ACSS3: variants seen among roughly 807,000 people sequenced by gnomAD.
ACSS3 encodes the protein acyl-CoA synthetase short chain family member 3.
In ACSS3, 64 loss-of-function variants were observed where a neutral mutation model predicts 84.2. That is an observed-to-expected ratio of 0.76 (90% CI 0.62 to 0.94). The LOEUF (loss-of-function observed/expected upper bound fraction) is 0.94. Ranked by LOEUF, ACSS3 falls within the 40% of genes least tolerant of loss-of-function variation. The probability of loss-of-function intolerance (pLI) is 0.00; values close to 1 mark genes in which losing one functional copy is unlikely to be tolerated. For synonymous variants in ACSS3, 317 were observed against 310.1 expected, an observed-to-expected ratio of 1.02 and a Z score of -0.23; for missense variants, 815 against 867.6, an observed-to-expected ratio of 0.94 and a Z score of 0.76.
Position 81,253,945 on chromosome 12 carries a change from G to A in ACSS3, c.1995+275G>A, listed in dbSNP as rs138527992. 3.1e-3 allele frequency among the ~76,000 whole-genome samples: 467 copies of A among 152,186 alleles called. 9 individuals carry two copies. Among genetic ancestry groups the A allele is most frequent in the African/African-American group, 0.011 (446 of 41,538 alleles). On this transcript the variant is annotated intron_variant, in intron 15 of 15. Transcript: ENST00000548058. The stretch of plus-strand genomic sequence containing the variant: ...TTTTATTTATTTATTTTAATTTAGA[G>A]ATAGAGTCTTGCTTTATTACCCAGG...
chr12:81,098,179 TGA>T (rs1491509285), intron 1 of ACSS3, among the ~76,000 whole-genome samples: 17,111 of 143,522 alleles, frequency 0.12, 1,049 homozygotes, highest in South Asian at 0.14. Flanking sequence ...TGTGTGTGTG[TGA>T]GACTGTGCCC....
At chr12:81,197,824 T>G (rs2031907908) in intron 8 of ACSS3, among the ~76,000 whole-genome samples, 1 of 152,152 alleles carries the variant, frequency 6.6e-6, no homozygotes, top group Non-Finnish European at 1.5e-5. Flanking sequence ...CCTTGTATTT[T>G]TCTTTTATTC....
chr12:81,124,080 G>A lies in ACSS3; in HGVS notation c.457-10736G>A, dbSNP rs370020580. The stretch of plus-strand genomic sequence containing the variant: ...AAATCTCCAAAGTGCTTTCCACAGT[G>A]GCTGAACTAATTCACATTCCCACAA... On this transcript the variant is annotated intron_variant, in intron 2 of 15. Transcript: ENST00000548058. Among the ~76,000 whole-genome samples the A allele has an allele frequency of 1.2e-3, 185 of 152,280 alleles. 1 individual carries two copies. Among genetic ancestry groups the A allele is most frequent in the African/African-American group, 4.4e-3 (183 of 41,562 alleles).
At chr12:81,146,879 T>C in intron 5 of ACSS3, among the ~76,000 whole-genome samples, 1 of 151,860 alleles carries the variant, frequency 6.6e-6, no homozygotes, top group African/African-American at 2.4e-5. Flanking sequence ...AAAGGAAAAA[T>C]GTTCAGTGTC....
chr12:81,187,924 A>G (rs1206241779), intron 8 of ACSS3, among the ~76,000 whole-genome samples: 1 of 151,924 alleles, frequency 6.6e-6, no homozygotes, highest in Non-Finnish European at 1.5e-5. Flanking sequence ...GAATGTGCCC[A>G]AATCTGGAAT....
intron 2 of ACSS3, among the ~76,000 whole-genome samples, chr12:81,132,090 T>C (rs1451207285): frequency 6.6e-6 from 1 of 152,210 alleles, no homozygotes; most frequent in African/African-American, 2.4e-5. Context: ...AAAATTCTCT[T>C]TTTTTGTTGT....
At chr12:81,224,899 C>T (rs2033223264) in intron 11 of ACSS3, among the ~76,000 whole-genome samples, 1 of 151,826 alleles carries the variant, frequency 6.6e-6, no homozygotes, top group African/African-American at 2.4e-5. Flanking sequence ...TGCTTGTGTG[C>T]AACCAACCTT....
chr12:81,231,878 C>T (rs181639404), intron 12 of ACSS3, among the ~76,000 whole-genome samples: 4 of 151,526 alleles, frequency 2.6e-5, no homozygotes, highest in African/African-American at 7.3e-5. Flanking sequence ...CCACCCCCAC[C>T]GCCTAACCCC....
intron 1 of ACSS3, among the ~76,000 whole-genome samples, chr12:81,091,368 A>G (rs1475346891): frequency 6.6e-6 from 1 of 151,996 alleles, no homozygotes; most frequent in Non-Finnish European, 1.5e-5. Context: ...AAATTTTAAT[A>G]TATTAGAGTA....
intron 1 of ACSS3, among the ~76,000 whole-genome samples, chr12:81,101,460 C>T (rs1194987660): frequency 1.3e-5 from 2 of 152,068 alleles, no homozygotes; most frequent in African/African-American, 2.4e-5. Context: ...GAGTTTACCA[C>T]TATTATTTTC....
chr12:81,155,127 C>A (rs1468263598), intron 7 of ACSS3, among the ~76,000 whole-genome samples: 2 of 152,156 alleles, frequency 1.3e-5, no homozygotes, highest in Non-Finnish European at 2.9e-5. Context: ...CAGCACAGTG[C>A]ATAGCACACA....
At chr12:81,221,077 A>G (rs1307995346) in intron 11 of ACSS3, among the ~76,000 whole-genome samples, 1 of 152,092 alleles carries the variant, frequency 6.6e-6, no homozygotes. Flanking sequence ...CAAAACTGCT[A>G]TCATTTAAAG....
In ACSS3 at chr12:81,258,317, C is replaced by T. The variant is rs559752202; in HGVS notation, c.*3395C>T. On this transcript the variant is annotated 3_prime_UTR_variant, in exon 16 of 16. Transcript: ENST00000548058. The stretch of plus-strand genomic sequence containing the variant: ...ATGGAAAGGGTTTCTGTTATCATTA[C>T]CTTTTGACTGAATCTGTTAAATAAA... 6.6e-6 allele frequency: 1 copy of T among 152,170 alleles called. No individual in the cohort carries two copies. Among genetic ancestry groups the T allele is most frequent in the Admixed American group, 6.6e-5 (1 of 15,258 alleles). 9.4% of individuals were successfully genotyped at this position (152,170 alleles called of 1,614,324 possible). A position where few individuals can be genotyped will look rare whatever the true frequency, so the allele number is the denominator to read the frequency against.
chr12:81,170,667 G>C (rs997548890), intron 7 of ACSS3, among the ~76,000 whole-genome samples: 2 of 152,030 alleles, frequency 1.3e-5, no homozygotes, highest in African/African-American at 2.4e-5. Context: ...TGTGTATGTT[G>C]TTTGTTTAAA....
At chr12:81,224,539 T>TATAC (rs536307054) in intron 11 of ACSS3, among the ~76,000 whole-genome samples, 2 of 145,656 alleles carry the variant, frequency 1.4e-5, no homozygotes, top group African/African-American at 5.1e-5. Flanking sequence ...TATATATGCA[T>TATAC]ATACATACAT....
intron 1 of ACSS3, among the ~76,000 whole-genome samples, chr12:81,080,770 C>A (rs2121256140): frequency 6.6e-6 from 1 of 152,336 alleles, no homozygotes; most frequent in Non-Finnish European, 1.5e-5. Context: ...TCCGCAAGAT[C>A]TAAGGCAGAG....
At chr12:81,243,951 A>G (rs2033897986) in intron 13 of ACSS3, among the ~76,000 whole-genome samples, 1 of 152,142 alleles carries the variant, frequency 6.6e-6, no homozygotes, top group Non-Finnish European at 1.5e-5. Flanking sequence ...ATTTTTATTT[A>G]TACAAATTTC....
At chr12:81,098,368 T>A (rs1041045511) in intron 1 of ACSS3, among the ~76,000 whole-genome samples, 2 of 152,202 alleles carry the variant, frequency 1.3e-5, no homozygotes, top group Non-Finnish European at 2.9e-5. Context: ...GTGTTTACTA[T>A]TAGAAGTGTT....
At chr12:81,161,603 AC>A (rs1887153043) in intron 7 of ACSS3, among the ~76,000 whole-genome samples, 1 of 152,172 alleles carries the variant, frequency 6.6e-6, no homozygotes, top group South Asian at 2.1e-4. Context: ...AGTTTAGATA[AC>A]CCTAATGTCA....
Sources: gnomAD v4.1 joint callset for allele counts (sites outside exome capture counted in the v4.1 genomes callset) on GRCh38, gnomAD v4.1.1 for gene constraint, MANE v1.5 for transcripts, NCBI Gene and HGNC (gene_info 2026-07-23, HGNC 2026-07-21) for gene names.